The following MYBPC2 variants were observed in gnomAD, a reference collection of about 807,000 sequenced individuals.
The protein encoded by MYBPC2 is myosin binding protein C2.
In MYBPC2, 122 loss-of-function variants were observed where a neutral mutation model predicts 137.0. The ratio of observed to expected loss-of-function variants is 0.89; its 90% CI spans 0.77 to 1.03. MYBPC2 has a LOEUF of 1.03. MYBPC2 is among the 50% of genes least tolerant of loss of function. The pLI, the probability that MYBPC2 is intolerant of heterozygous loss-of-function variation, is 0.00. For synonymous variants in MYBPC2, 626 were observed against 612.3 expected, an observed-to-expected ratio of 1.02 and a Z score of -0.33; for missense variants, 1,500 against 1,534.4, an observed-to-expected ratio of 0.98 and a Z score of 0.37.
intron 12 of MYBPC2, among the ~76,000 whole-genome samples, chr19:50,446,326 C>A (rs2039805588): frequency 6.6e-6 from 1 of 151,958 alleles, no homozygotes; most frequent in Admixed American, 6.6e-5. Flanking sequence ...GCCTGGCCAA[C>A]ATGGTGAAAC....
At chr19:50,463,896 G>A (rs1320151437) in intron 26 of MYBPC2, among the ~76,000 whole-genome samples, 3 of 149,640 alleles carry the variant, frequency 2.0e-5, no homozygotes, top group Non-Finnish European at 4.4e-5. Context: ...CCAAGATCAC[G>A]CCACTGCACT....
In MYBPC2 at chr19:50,437,542, A is replaced by G. The variant is rs753097553; in HGVS notation, c.512+21A>G. 3.7e-6 allele frequency: 6 copies of G among 1,607,036 alleles called. No homozygotes were observed. In the Admixed American group the frequency reaches 6.8e-5, roughly 18 times the overall value. On this transcript the variant is annotated intron_variant, in intron 6 of 27. Coordinates refer to ENST00000357701, the MANE Select transcript of MYBPC2 (RefSeq NM_004533.4). ...CGTACGTAAGTGACCCCAGGCCCTT[A>G]CCAGGGTCCCAAGGACCATGGGAGG...
chr19:50,449,232 G>T (rs1181539346), intron 13 of MYBPC2, among the ~76,000 whole-genome samples: 1 of 152,188 alleles, frequency 6.6e-6, no homozygotes, highest in East Asian at 1.9e-4. Flanking sequence ...GAGCGTGCAG[G>T]TTGGTTGGGG....
At position 50,436,279 on chromosome 19, in the gene MYBPC2, G is replaced by A. The variant is rs191181896; in HGVS notation, c.345+119G>A. On this transcript the variant is annotated intron_variant, in intron 4 of 27. Coordinates refer to ENST00000357701, the MANE Select transcript of MYBPC2 (RefSeq NM_004533.4). ...GGGCCTGGAGCCGGGATGGAGAGTG[G>A]GCCCTCTGAGGATGGAGGTTGTGCG... 4.9e-6 allele frequency: 7 copies of A among 1,419,800 alleles called. No homozygotes were observed. In the African/African-American group the frequency reaches 7.2e-5, roughly 15 times the overall value. The allele number at this position is 1,419,800 out of a possible 1,614,324, so 88.0% of individuals were successfully genotyped here. A position where few individuals can be genotyped will look rare whatever the true frequency, so the allele number is the denominator to read the frequency against.
In MYBPC2 at chr19:50,436,625, C is replaced by G. The variant is rs1240134621; in HGVS notation, c.354C>G (p.Thr118=). 1 of 1,613,806 alleles carries G rather than the reference C, an allele frequency of 6.2e-7. No individual in the cohort carries two copies. ...CCCGGCCCTGGACCCAGGTGTACAC[C>G]GTGGAGCTGCACATTGGGAAGGTGG... is the stretch of plus-strand genomic sequence containing the variant. ...ESHNSASNVY[T]VELHIGKVVL... is the part of the protein sequence containing the mutation. Residue 118 remains threonine, a synonymous_variant, in exon 5 of 28, where the codon ACC becomes ACG. Coordinates refer to ENST00000357701, the MANE Select transcript of MYBPC2 (RefSeq NM_004533.4).
At position 50,448,404 on chromosome 19, in the gene MYBPC2, T is replaced by G; in HGVS notation, c.1472+14T>G. The G allele has an allele frequency of 1.2e-6, 2 of 1,612,290 alleles. No individual in the cohort carries two copies. Among genetic ancestry groups the G allele is most frequent in the Non-Finnish European group, 1.7e-6 (2 of 1,178,826 alleles). On this transcript the variant is annotated intron_variant, in intron 13 of 27. Coordinates refer to ENST00000357701, the MANE Select transcript of MYBPC2 (RefSeq NM_004533.4). ...CCATGTAGGCAGGTGAGGAGTGGGCTGCAGAAGTGGCTGGGGGTAGGGTGT... is the reference window on the plus strand; with the variant it reads ...CCATGTAGGCAGGTGAGGAGTGGGCGGCAGAAGTGGCTGGGGGTAGGGTGT...
In MYBPC2 at chr19:50,436,100, G is replaced by C; in HGVS notation, c.285G>C (p.Glu95Asp). ...AGTGGTTCAAGGGGAAGTGGCTGGAGCTGGGCAGCAAGAGTGGCGCCCGCT... is the reference window on the plus strand; with the variant it reads ...AGTGGTTCAAGGGGAAGTGGCTGGACCTGGGCAGCAAGAGTGGCGCCCGCT... ...TIKWFKGKWL[E>D]LGSKSGARFS... The change falls in exon 4 of 28, where the codon GAG (glutamate) becomes GAC (aspartate). Residue 95 changes from glutamate to aspartate, a missense_variant. Physicochemically the swap from Glu to Asp is conservative, Grantham distance 45 (BLOSUM62 2). Transcript: ENST00000357701. 6.3e-7 allele frequency: 1 copy of C among 1,582,466 alleles called. No individual in the cohort carries two copies. The highest frequency in any genetic ancestry group is 8.6e-7 in the Non-Finnish European group (1 of 1,164,692).
intron 20 of MYBPC2, among the ~76,000 whole-genome samples, chr19:50,457,663 C>T (rs2039925785): frequency 6.7e-6 from 1 of 150,354 alleles, no homozygotes; most frequent in Non-Finnish European, 1.5e-5. Context: ...AGGCATGAGC[C>T]ATGGTACCTG....
chr19:50,452,720 G>T lies in MYBPC2; in HGVS notation c.1749+717G>T, dbSNP rs371056997. ...CCACAAAAGTGTGCCACCATGCCTC[G>T]CTAATTTTTTGTATTTTTGTAGGGA... On this transcript the variant is annotated intron_variant, in intron 16 of 27. Coordinates refer to ENST00000357701, the MANE Select transcript of MYBPC2 (RefSeq NM_004533.4). Among the ~76,000 whole-genome samples, 35 of 152,132 alleles carry T rather than the reference G, an allele frequency of 2.3e-4. No individual in the cohort carries two copies. In the South Asian group the frequency reaches 6.0e-3, roughly 26 times the overall value.
chr19:50,461,470 G>T (rs192221819), intron 24 of MYBPC2, 72 bp from the exon 25 acceptor site: 9 of 1,465,490 alleles, frequency 6.1e-6, no homozygotes, highest in Non-Finnish European at 8.4e-6. Context: ...CCCTTCTTTC[G>T]TCTGTGTCTT....
rs1326108249 is a variant in MYBPC2 at position 50,448,477 on chromosome 19, T to A, written c.1472+87T>A. The A allele has an allele frequency of 1.1e-5, 17 of 1,496,336 alleles. No individual in the cohort carries two copies. The Admixed American group carries it at 1.7e-4, about 15-fold the overall frequency. 92.7% of individuals were successfully genotyped at this position (1,496,336 alleles called of 1,614,324 possible). On this transcript the variant is annotated intron_variant, in intron 13 of 27. Transcript: ENST00000357701. ...TGTAACAAGCTGTCCCCCATTTATT[T>A]TTTTTTTTGAGATGGAGTTTTGCTC...
intron 16 of MYBPC2, among the ~76,000 whole-genome samples, chr19:50,452,471 T>C (rs1300199977): frequency 8.8e-6 from 1 of 113,376 alleles, no homozygotes; most frequent in Admixed American, 8.2e-5. Context: ...TATCTGTGTA[T>C]GTATGTATGT....
chr19:50,437,598 TG>T, intron 6 of MYBPC2, 60 bp from the exon 7 acceptor site: 2 of 1,591,868 alleles, frequency 1.3e-6, no homozygotes, highest in South Asian at 2.3e-5. Context: ...AAGGGAGGAT[TG>T]GGGAAGGCAA....
At chr19:50,452,901 A>G (rs1185051963) in intron 16 of MYBPC2, among the ~76,000 whole-genome samples, 1 of 151,736 alleles carries the variant, frequency 6.6e-6, no homozygotes, top group African/African-American at 2.4e-5. Context: ...AAATATTTTA[A>G]CCTTGCATGT....
Position 50,453,079 on chromosome 19 carries a change from G to A in MYBPC2, c.1750-941G>A, listed in dbSNP as rs78039870. On this transcript the variant is annotated intron_variant, in intron 16 of 27. Transcript: ENST00000357701. ...AGGATGCAACCATGAGTTGGATGCG[G>A]CTCCTGCCCTCCAAGAGCCTTCATT... Among the ~76,000 whole-genome samples the A allele has an allele frequency of 8.5e-3, 1,297 of 152,126 alleles. 12 individuals are homozygous for A. The highest frequency in any genetic ancestry group is 0.014 in the Middle Eastern group (4 of 294).
rs374268643 is a variant in MYBPC2 at position 50,436,840 on chromosome 19, G to A, written c.463+106G>A. 1.1e-5 allele frequency: 12 copies of A among 1,057,144 alleles called. No homozygotes were observed. In the African/African-American group the frequency reaches 1.9e-4, roughly 17 times the overall value. The allele number at this position is 1,057,144 out of a possible 1,614,324, so 65.5% of individuals were successfully genotyped here. A position where few individuals can be genotyped will look rare whatever the true frequency, so the allele number is the denominator to read the frequency against. The stretch of plus-strand genomic sequence containing the variant: ...GTGCACAGGCATGGGCATGAGGTGG[G>A]CACAGGTTTTTGGAGGAGGGAGTGC... On this transcript the variant is annotated intron_variant, in intron 5 of 27. Transcript: ENST00000357701.
intron 16 of MYBPC2, among the ~76,000 whole-genome samples, chr19:50,452,631 C>T (rs1430441237): frequency 6.6e-6 from 1 of 152,070 alleles, no homozygotes; most frequent in Non-Finnish European, 1.5e-5. Flanking sequence ...AGTCTTGGCT[C>T]ACGGAAACCT....
chr19:50,433,028 G>T, intron 1 of MYBPC2, 56 bp downstream of exon 1: 2 of 1,530,834 alleles, frequency 1.3e-6, no homozygotes, highest in Non-Finnish European at 1.8e-6. Flanking sequence ...TCTGGATGGG[G>T]ATTTGGGACC....
At position 50,432,940 on chromosome 19, in the gene MYBPC2, G is replaced by A. The variant is rs1458985888; in HGVS notation, c.-14G>A. 3 of 1,606,718 alleles carry A rather than the reference G, an allele frequency of 1.9e-6. No individual in the cohort carries two copies. Among genetic ancestry groups the A allele is most frequent in the Admixed American group, 1.7e-5 (1 of 59,518 alleles). Reference sequence around the variant, plus strand: ...CGCGGCTGCGGTCAGAGGAGCAGGAGGAGGTCCCCCGACATGCCTGAGGCA... The same window carrying A: ...CGCGGCTGCGGTCAGAGGAGCAGGAAGAGGTCCCCCGACATGCCTGAGGCA... On this transcript the variant is annotated 5_prime_UTR_variant, in exon 1 of 28. Coordinates refer to ENST00000357701, the MANE Select transcript of MYBPC2 (RefSeq NM_004533.4). The surrounding 1 kb of genome is among the most constrained non-coding windows in gnomAD (Gnocchi z 5.5).
Sources: gnomAD v4.1 joint callset for allele counts (sites outside exome capture counted in the v4.1 genomes callset) on GRCh38, gnomAD v4.1.1 for gene constraint, Gnocchi (gnomAD v3.1) non-coding constraint, MANE v1.5 for transcripts, NCBI Gene and HGNC (gene_info 2026-07-23, HGNC 2026-07-21) for gene names.